The following FAF2 variants were observed in gnomAD, a reference collection of about 807,000 sequenced individuals.
The protein encoded by FAF2 is Fas associated factor family member 2.
A neutral mutation model predicts 62.3 loss-of-function variants in FAF2; 9 were observed. The observed-to-expected ratio is 0.14, with a 90% CI of 0.09 to 0.25. The LOEUF is 0.25. FAF2 is among the 10% of genes least tolerant of loss of function. The probability of loss-of-function intolerance (pLI) is 1.00; values close to 1 mark genes in which losing one functional copy is unlikely to be tolerated. For synonymous variants in FAF2, 202 were observed against 198.0 expected (o/e 1.02, Z -0.17); for missense variants, 368 against 556.2 (o/e 0.66, Z 3.40).
At chr5:176,470,257 A>G (rs1201939310) in intron 1 of FAF2, among the ~76,000 whole-genome samples, 1 of 152,196 alleles carries the variant, frequency 6.6e-6, no homozygotes, top group Non-Finnish European at 1.5e-5. Context: ...CTCTCACGCT[A>G]CCCCATTTCT....
At chr5:176,457,849 A>T (rs1200693830) in intron 1 of FAF2, among the ~76,000 whole-genome samples, 1 of 152,126 alleles carries the variant, frequency 6.6e-6, no homozygotes, top group Non-Finnish European at 1.5e-5. Context: ...AATACTGGGG[A>T]ATATTTTTAA....
At chr5:176,461,649 G>C (rs561789637) in intron 1 of FAF2, among the ~76,000 whole-genome samples, 118 of 151,054 alleles carry the variant, frequency 7.8e-4, no homozygotes, top group African/African-American at 2.9e-3. Context: ...TTTTTTAATG[G>C]GGTTATTATT....
rs1755703558 is a variant in FAF2, at chr5:176,507,315, T to G, written c.*365T>G. On this transcript the variant is annotated 3_prime_UTR_variant, in exon 11 of 11. Transcript: ENST00000261942. Reference sequence around the variant, plus strand: ...CACTAGTTCTCATTCATTCTTGCTTTTATGAAAAATAAAAGTGAAAAACCT... The same window carrying G: ...CACTAGTTCTCATTCATTCTTGCTTGTATGAAAAATAAAAGTGAAAAACCT... 1 of 453,694 alleles carries G rather than the reference T, an allele frequency of 2.2e-6. No individual in the cohort carries two copies. Among genetic ancestry groups the G allele is most frequent in the Non-Finnish European group, 4.4e-6 (1 of 225,694 alleles). 28.1% of individuals were successfully genotyped at this position (453,694 alleles called of 1,614,324 possible). A position where few individuals can be genotyped will look rare whatever the true frequency, so the allele number is the denominator to read the frequency against.
At chr5:176,492,428 CA>C in intron 5 of FAF2, 96 bp downstream of exon 5, 2 of 1,346,602 alleles carry the variant, frequency 1.5e-6, no homozygotes, top group Non-Finnish European at 2.0e-6. Flanking sequence ...TTCTTGTACT[CA>C]AAAACCTTAA....
At position 176,486,425 on chromosome 5, in the gene FAF2, C is replaced by T. The variant is rs770880318; in HGVS notation, c.203C>T (p.Pro68Leu). Reference protein sequence around the residue: ...PSVFNPPPSRPLQVNTADHRI... With the variant: ...PSVFNPPPSRLLQVNTADHRI... The stretch of plus-strand genomic sequence containing the variant: ...GTTTTCAACCCACCTCCATCACGAC[C>T]CCTGCAGGTTAATACAGCTGACCAC... Residue 68 changes from proline (P) to leucine (L), a missense_variant, in exon 3 of 11, where the codon CCC becomes CTC. Transcript: ENST00000261942. 6.2e-7 allele frequency: 1 copy of T among 1,614,122 alleles called. No individual in the cohort carries two copies. Among genetic ancestry groups the T allele is most frequent in the Admixed American group, 1.7e-5 (1 of 60,026 alleles).
chr5:176,468,805 A>G (rs532384139), intron 1 of FAF2, among the ~76,000 whole-genome samples: 1 of 151,098 alleles, frequency 6.6e-6, no homozygotes, highest in Admixed American at 6.6e-5. Flanking sequence ...AAAGGTGGGT[A>G]TGGTGGTACG....
intron 1 of FAF2, among the ~76,000 whole-genome samples, chr5:176,474,131 T>C (rs1483695425): frequency 1.3e-5 from 2 of 152,216 alleles, no homozygotes; most frequent in Non-Finnish European, 2.9e-5. Flanking sequence ...AAACTAAGTT[T>C]TTCTGTATGC....
At chr5:176,470,222 A>C (rs181020055) in intron 1 of FAF2, among the ~76,000 whole-genome samples, 25 of 152,350 alleles carry the variant, frequency 1.6e-4, no homozygotes, top group African/African-American at 5.8e-4. Context: ...TGTATTACTA[A>C]TGGTTGGAAC....
chr5:176,481,281 T>G (rs1758779872), intron 2 of FAF2, among the ~76,000 whole-genome samples: 1 of 152,068 alleles, frequency 6.6e-6, no homozygotes, highest in South Asian at 2.1e-4. Flanking sequence ...CTCCTGACCT[T>G]GTGATCCACC....
At chr5:176,472,482 T>C (rs1758589145) in intron 1 of FAF2, among the ~76,000 whole-genome samples, 1 of 152,076 alleles carries the variant, frequency 6.6e-6, no homozygotes, top group Non-Finnish European at 1.5e-5. Flanking sequence ...AGGGTCTTGC[T>C]ATGTTGTTCA....
At position 176,494,063 on chromosome 5, in the gene FAF2, A is replaced by G; in HGVS notation, c.548A>G (p.Gln183Arg). ...GTTTATCTTCATGGAGATGATCACC[A>G]GGACTCTGATGAGTTTTGTCGGTAA... ...LLVYLHGDDH[Q>R]DSDEFCRNTL... The change falls in exon 6 of 11, where the codon CAG becomes CGG. Residue 183 changes from glutamine (Q) to arginine (R), a missense_variant. Physicochemically the swap from Gln to Arg is conservative, Grantham distance 43. Coordinates refer to ENST00000261942, the MANE Select transcript of FAF2 (RefSeq NM_014613.3). This position sits in a 1 kb window ranked among gnomAD's most constrained non-coding sequence, Gnocchi z 4.0. 1 of 1,614,098 alleles carries G rather than the reference A, an allele frequency of 6.2e-7. No homozygotes were observed. The highest frequency in any genetic ancestry group is 8.5e-7 in the Non-Finnish European group (1 of 1,179,948).
In FAF2 at chr5:176,510,008, A is replaced by C. The variant is rs1056024664; in HGVS notation, c.*3058A>C. ...TACTGAAGAAATCTAGTGTACTTTA[A>C]ATTTTTTTCATAAAAGTTTACATTG... On this transcript the variant is annotated 3_prime_UTR_variant, in exon 11 of 11. Coordinates refer to ENST00000261942, the MANE Select transcript of FAF2 (RefSeq NM_014613.3). 1 of 152,642 alleles carries C rather than the reference A, an allele frequency of 6.6e-6. No homozygotes were observed. Among genetic ancestry groups the C allele is most frequent in the African/African-American group, 2.4e-5 (1 of 41,446 alleles). The allele number at this position is 152,642 out of a possible 1,614,324, so 9.5% of individuals were successfully genotyped here. A position where few individuals can be genotyped will look rare whatever the true frequency, so the allele number is the denominator to read the frequency against.
intron 5 of FAF2, among the ~76,000 whole-genome samples, chr5:176,493,638 T>C (rs1309337071): frequency 1.3e-5 from 2 of 152,192 alleles, no homozygotes; most frequent in Non-Finnish European, 2.9e-5. Flanking sequence ...CTCACCTCCC[T>C]TTCATATGGT....
chr5:176,449,575 CAAA>C (rs56311951), intron 1 of FAF2, among the ~76,000 whole-genome samples: 32 of 139,300 alleles, frequency 2.3e-4, no homozygotes, highest in African/African-American at 7.7e-4. Context: ...AACTCCGTCT[CAAA>C]AAAAAAAAAA....
chr5:176,479,403 T>C (rs1758754994), intron 2 of FAF2, 147 bp downstream of exon 2: 1 of 659,522 alleles, frequency 1.5e-6, no homozygotes, highest in South Asian at 2.1e-5. Context: ...AGGTAAAGAA[T>C]GTGAGAAAGT....
Position 176,507,000 on chromosome 5 carries a change from GA to G in FAF2, c.*56del. The G allele has an allele frequency of 7.8e-7, 1 of 1,275,222 alleles. No individual in the cohort carries two copies. The highest frequency in any genetic ancestry group is 2.9e-5 in the East Asian group (1 of 35,086). 79.0% of individuals were successfully genotyped at this position (1,275,222 alleles called of 1,614,324 possible). A position where few individuals can be genotyped will look rare whatever the true frequency, so the allele number is the denominator to read the frequency against. The stretch of plus-strand genomic sequence containing the variant: ...TACCCCAGTCCCTAAAAGAAATGGG[GA>G]AAAAAGAAAACAACAGCAAGTCAGA... On this transcript the variant is annotated 3_prime_UTR_variant, in exon 11 of 11. Coordinates refer to ENST00000261942, the MANE Select transcript of FAF2 (RefSeq NM_014613.3).
chr5:176,485,704 A>G (rs912676251), intron 2 of FAF2, among the ~76,000 whole-genome samples: 2 of 152,210 alleles, frequency 1.3e-5, no homozygotes. Context: ...CACATGAGGA[A>G]ACTGAGGCTC....
chr5:176,488,700 G>A (rs1328645652), intron 3 of FAF2, among the ~76,000 whole-genome samples: 2 of 152,160 alleles, frequency 1.3e-5, no homozygotes, highest in Non-Finnish European at 2.9e-5. Flanking sequence ...TGGGATTACA[G>A]GCAGGAGATA....
chr5:176,469,339 A>G (rs1758521725), intron 1 of FAF2, among the ~76,000 whole-genome samples: 1 of 152,250 alleles, frequency 6.6e-6, no homozygotes, highest in Non-Finnish European at 1.5e-5. Flanking sequence ...TGTTAAGTCT[A>G]ACATTCCTCT....
Sources: allele counts gnomAD v4.1 joint callset (sites outside exome capture counted in the v4.1 genomes callset), GRCh38; gene constraint gnomAD v4.1.1; non-coding constraint Gnocchi (gnomAD v3.1); transcripts MANE v1.5; gene names NCBI Gene and HGNC (gene_info 2026-07-23, HGNC 2026-07-21).